TMEM163: variants seen among roughly 807,000 people sequenced by gnomAD.
TMEM163 encodes transmembrane protein 163.
A neutral mutation model predicts 29.3 loss-of-function variants in TMEM163; 17 were observed. The observed-to-expected ratio is 0.58, with a 90% CI of 0.40 to 0.87. The LOEUF (loss-of-function observed/expected upper bound fraction) is 0.87. TMEM163 is among the 40% of genes least tolerant of loss of function. The probability of loss-of-function intolerance (pLI) is 0.00; values close to 1 mark genes in which losing one functional copy is unlikely to be tolerated. For missense variants in TMEM163, 303 were observed against 381.5 expected (o/e 0.79, Z 1.71); for synonymous variants, 157 against 160.6 (o/e 0.98, Z 0.17).
chr2:134,568,052 TTAAG>T (rs1681336083), intron 2 of TMEM163, among the ~76,000 whole-genome samples: 1 of 152,242 alleles, frequency 6.6e-6, no homozygotes, highest in Non-Finnish European at 1.5e-5. Context: ...AAAACTAGAC[TTAAG>T]TAAGATTTAT....
intron 4 of TMEM163, among the ~76,000 whole-genome samples, chr2:134,503,718 A>C (rs664181): frequency 1.3e-5 from 2 of 151,944 alleles, no homozygotes; most frequent in Admixed American, 1.3e-4. Flanking sequence ...CACTCAGCAC[A>C]GGCGGAGGCA....
At chr2:134,582,440 C>A (rs1356126645) in intron 2 of TMEM163, among the ~76,000 whole-genome samples, 3 of 152,226 alleles carry the variant, frequency 2.0e-5, no homozygotes, top group African/African-American at 7.2e-5. Context: ...AGTCTGCCAC[C>A]TTTGGACTGT....
intron 2 of TMEM163, among the ~76,000 whole-genome samples, chr2:134,645,736 A>G (rs1284085340): frequency 6.6e-6 from 1 of 152,202 alleles, no homozygotes. Flanking sequence ...ATACTATACA[A>G]TTTCATTATA....
At chr2:134,521,766 G>C (rs1280422618) in intron 4 of TMEM163, among the ~76,000 whole-genome samples, 1 of 152,158 alleles carries the variant, frequency 6.6e-6, no homozygotes, top group African/African-American at 2.4e-5. Context: ...TCGCTGAAGA[G>C]CATCCTATAA....
intron 2 of TMEM163, among the ~76,000 whole-genome samples, chr2:134,579,269 T>C (rs576883000): frequency 6.6e-6 from 1 of 152,350 alleles, no homozygotes; most frequent in African/African-American, 2.4e-5. Context: ...GCATTTATAG[T>C]GTGGGGCACA....
At chr2:134,597,911 T>C (rs185545009) in intron 2 of TMEM163, among the ~76,000 whole-genome samples, 295 of 152,378 alleles carry the variant, frequency 1.9e-3, no homozygotes, top group African/African-American at 6.5e-3. Flanking sequence ...TTGAGGTATT[T>C]ATAGTATTCT....
intron 4 of TMEM163, among the ~76,000 whole-genome samples, chr2:134,544,427 T>C (rs1008812514): frequency 6.6e-6 from 1 of 152,214 alleles, no homozygotes; most frequent in African/African-American, 2.4e-5. Context: ...ATGACCCAAC[T>C]GAAGAGACAT....
chr2:134,592,796 G>A (rs905537931), intron 2 of TMEM163, among the ~76,000 whole-genome samples: 5 of 151,222 alleles, frequency 3.3e-5, no homozygotes, highest in Non-Finnish European at 5.9e-5. Context: ...TATTAATATA[G>A]ATATAGATAG....
chr2:134,706,027 C>T (rs1158349007), intron 2 of TMEM163, among the ~76,000 whole-genome samples: 2 of 152,206 alleles, frequency 1.3e-5, no homozygotes, highest in Non-Finnish European at 2.9e-5. Context: ...GTGAAGAAGG[C>T]ACTGAGAAGG....
rs570304103 is a variant in TMEM163, at chr2:134,640,504, T to G, written c.322+72696A>C. On this transcript the variant is annotated intron_variant, in intron 2 of 7. Transcript: ENST00000281924. ...CCTAGAAAACTCAAGCAAAATGGCA[T>G]TGGTACAGATGAGTTTTAACCATCA... is the stretch of plus-strand genomic sequence containing the variant. Among the ~76,000 whole-genome samples, 3 of 152,168 alleles carry G rather than the reference T, an allele frequency of 2.0e-5. No homozygotes were observed. In the East Asian group the frequency reaches 5.8e-4, roughly 29 times the overall value.
intron 2 of TMEM163, among the ~76,000 whole-genome samples, chr2:134,565,307 T>C (rs1335050376): frequency 6.6e-6 from 1 of 151,818 alleles, no homozygotes; most frequent in African/African-American, 2.4e-5. Flanking sequence ...ATATACTCAA[T>C]GGAAATACAT....
intron 2 of TMEM163, among the ~76,000 whole-genome samples, chr2:134,707,240 C>T (rs534781984): frequency 5.3e-5 from 8 of 152,272 alleles, no homozygotes; most frequent in East Asian, 1.9e-4. Flanking sequence ...CAGGAGCTTG[C>T]GAAGAGGCCC....
chr2:134,496,390 T>C lies in TMEM163; in HGVS notation c.555+6511A>G, dbSNP rs117696171. Among the ~76,000 whole-genome samples the C allele has an allele frequency of 2.5e-4, 38 of 152,240 alleles. No individual in the cohort carries two copies. In the East Asian group the frequency reaches 6.6e-3, roughly 26 times the overall value. On this transcript the variant is annotated intron_variant, in intron 5 of 7. Coordinates refer to ENST00000281924, the MANE Select transcript of TMEM163 (RefSeq NM_030923.5). The stretch of plus-strand genomic sequence containing the variant: ...AACCTAACATATCTTTGACAAGAGT[T>C]CTATTTCCAGTTTTGCTCAGGAGCA...
intron 2 of TMEM163, among the ~76,000 whole-genome samples, chr2:134,571,875 A>G (rs1681439881): frequency 6.6e-6 from 1 of 152,186 alleles, no homozygotes; most frequent in Admixed American, 6.5e-5. Flanking sequence ...CCTGGCATGT[A>G]CCAGAATTCC....
chr2:134,626,663 G>T (rs1159973318), intron 2 of TMEM163, among the ~76,000 whole-genome samples: 4 of 152,146 alleles, frequency 2.6e-5, no homozygotes, highest in Admixed American at 2.6e-4. Flanking sequence ...ATGAAGACAT[G>T]GACATCATTG....
chr2:134,502,527 A>C (rs1436782948), intron 5 of TMEM163, among the ~76,000 whole-genome samples: 1 of 152,224 alleles, frequency 6.6e-6, no homozygotes, highest in African/African-American at 2.4e-5. Flanking sequence ...GGAAAAAAAT[A>C]ATTCTTAATA....
chr2:134,479,741 C>T (rs1292121348), intron 5 of TMEM163, among the ~76,000 whole-genome samples: 2 of 152,224 alleles, frequency 1.3e-5, no homozygotes, highest in Non-Finnish European at 2.9e-5. Context: ...CCCCCAGAGA[C>T]AGCAGAGAGA....
chr2:134,496,984 G>A (rs774329764), intron 5 of TMEM163, among the ~76,000 whole-genome samples: 11 of 151,974 alleles, frequency 7.2e-5, no homozygotes, highest in Admixed American at 2.6e-4. Context: ...CCCACTCATC[G>A]CCTGCCTTGC....
At chr2:134,554,589 G>C (rs958374803) in intron 2 of TMEM163, among the ~76,000 whole-genome samples, 4 of 152,150 alleles carry the variant, frequency 2.6e-5, no homozygotes, top group African/African-American at 9.7e-5. Context: ...CTCACCAGCA[G>C]TGAACCATGG....
Sources: gnomAD v4.1 joint callset for allele counts (sites outside exome capture counted in the v4.1 genomes callset) on GRCh38, gnomAD v4.1.1 for gene constraint, MANE v1.5 for transcripts, NCBI Gene and HGNC (gene_info 2026-07-23, HGNC 2026-07-21) for gene names.